The following BRD1 variants were observed in gnomAD, a reference collection of about 807,000 sequenced individuals.
BRD1 encodes bromodomain-containing protein 1.
A neutral mutation model predicts 107.7 loss-of-function variants in BRD1; 24 were observed. The observed-to-expected ratio is 0.22, with a 90% CI of 0.16 to 0.31. The LOEUF (loss-of-function observed/expected upper bound fraction) is 0.31, where lower values mean the gene tolerates loss of function less well. BRD1 is among the 10% of genes least tolerant of loss of function. The pLI, the probability that BRD1 is intolerant of heterozygous loss-of-function variation, is 1.00. For synonymous variants in BRD1, 744 were observed against 686.1 expected, an observed-to-expected ratio of 1.08 and a Z score of -1.32; for missense variants, 1,279 against 1,638.6, an observed-to-expected ratio of 0.78 and a Z score of 3.79.
intron 9 of BRD1, 47 bp downstream of exon 9, chr22:49,777,631 C>T (rs1041502217): frequency 3.8e-6 from 6 of 1,580,048 alleles, no homozygotes; most frequent in East Asian, 4.6e-5. Context: ...GCGGGGCGGG[C>T]GGTGCTGGGA....
At chr22:49,784,557 T>A (rs1260758602) in intron 8 of BRD1, among the ~76,000 whole-genome samples, 2 of 152,210 alleles carry the variant, frequency 1.3e-5, no homozygotes, top group Non-Finnish European at 2.9e-5. Context: ...AGTGAGTGCG[T>A]CGCCTCAGGA....
rs201223845 is a variant in BRD1, at chr22:49,798,580, G to A, written c.1763C>T (p.Ala588Val). ...LQDKDPARIF[A>V]QPVSLKEVPD... ...CACCTCCTTCAGACTCACGGGCTGC[G>A]CAAATATCCTGGCGGGGTCCTTGTC... Residue 588 changes from alanine to valine, a missense_variant, in exon 5 of 13, where the codon GCG becomes GTG. Ala to Val is a moderately conservative substitution (Grantham distance 64). Transcript: ENST00000404760. 71 of 1,614,184 alleles carry A rather than the reference G, an allele frequency of 4.4e-5. No homozygotes were observed. The East Asian group carries it at 1.0e-3, about 24-fold the overall frequency.
In BRD1 at chr22:49,774,295, C is replaced by T; in HGVS notation, c.3508G>A (p.Ala1170Thr). 1.2e-6 allele frequency: 2 copies of T among 1,614,192 alleles called. No individual in the cohort carries two copies. Among genetic ancestry groups the T allele is most frequent in the Admixed American group, 1.7e-5 (1 of 60,016 alleles). Residue 1170 changes from alanine (A) to threonine (T), a missense_variant, in exon 13 of 13, where the codon GCC (alanine) becomes ACC (threonine). Physicochemically the swap from Ala to Thr is moderately conservative, Grantham distance 58 (BLOSUM62 0). Around this residue, in one of 7 missense-constraint regions of BRD1, gnomAD observed 136 missense variants for 196.8 expected, o/e 0.69. Transcript: ENST00000404760. Reference sequence around the variant, plus strand: ...TGGACGCGGCTCAGGTGGTTCATGGCGCGGTCAAAAGCGATCCGCACGGCC... The same window carrying T: ...TGGACGCGGCTCAGGTGGTTCATGGTGCGGTCAAAAGCGATCCGCACGGCC... Reference protein sequence around the residue: ...RKAVRIAFDRAMNHLSRVHGE... With the variant: ...RKAVRIAFDRTMNHLSRVHGE...
intron 2 of BRD1, among the ~76,000 whole-genome samples, chr22:49,821,283 T>G (rs1358418559): frequency 6.6e-6 from 1 of 152,222 alleles, no homozygotes; most frequent in Non-Finnish European, 1.5e-5. Context: ...TTCATTTTGT[T>G]AGATCACATT....
At chr22:49,791,204 G>C (rs2059426894) in intron 7 of BRD1, among the ~76,000 whole-genome samples, 1 of 152,270 alleles carries the variant, frequency 6.6e-6, no homozygotes, top group Admixed American at 6.5e-5. Flanking sequence ...GGCAGGGCCA[G>C]CTCACAGCAA....
At position 49,799,099 on chromosome 22, in the gene BRD1, C is replaced by T. The variant is rs746256847; in HGVS notation, c.1545G>A (p.Met515Ile). 1.2e-6 allele frequency: 2 copies of T among 1,608,536 alleles called. No individual in the cohort carries two copies. The highest frequency in any genetic ancestry group is 1.7e-6 in the Non-Finnish European group (2 of 1,179,896). Residue 515 changes from methionine to isoleucine, a missense_variant, in exon 4 of 13, where the codon ATG (methionine) becomes ATA (isoleucine). By Grantham distance (10) the Met-to-Ile change is conservative (BLOSUM62 1). This residue lies in a region of BRD1 where 406 missense variants were observed against 519.4 expected (regional missense o/e 0.78). Transcript: ENST00000404760. The stretch of plus-strand genomic sequence containing the variant: ...ACTTCAGCTTCTCTTTGGCAGCCTT[C>T]ATCTCCTCATCATTTTCTCTCTGAG... Reference protein sequence around the residue: ...SSQQRENDEEMKAAKEKLKYW... With the variant: ...SSQQRENDEEIKAAKEKLKYW...
chr22:49,793,866 C>T (rs1416847583), intron 7 of BRD1, among the ~76,000 whole-genome samples, 168 bp downstream of exon 7: 3 of 152,224 alleles, frequency 2.0e-5, no homozygotes, highest in Admixed American at 6.5e-5. Context: ...AACAACAGCC[C>T]AGTGGGAAAA....
chr22:49,823,617 C>A lies in BRD1; in HGVS notation c.701G>T (p.Cys234Phe). The part of the protein sequence containing the change: ...ECQNSNVILF[C>F]DMCNLAVHQE... ...GTGCACGGCCAGGTTGCACATGTCG[C>A]AGAAGAGGATCACGTTGCTGTTCTG... The change falls in exon 2 of 13, where the codon TGC becomes TTC. Residue 234 changes from cysteine (C) to phenylalanine (F), a missense_variant. Physicochemically the swap from Cys to Phe is radical, Grantham distance 205 (BLOSUM62 -2). Transcript: ENST00000404760. 6.2e-7 allele frequency: 1 copy of A among 1,610,900 alleles called. No individual in the cohort carries two copies.
intron 2 of BRD1, among the ~76,000 whole-genome samples, chr22:49,821,752 T>G (rs553347121): frequency 2.0e-5 from 3 of 152,168 alleles, no homozygotes; most frequent in African/African-American, 7.2e-5. Flanking sequence ...TCCCCTCACA[T>G]GTGGGGCAGG....
intron 7 of BRD1, among the ~76,000 whole-genome samples, chr22:49,791,908 T>C (rs2059442468): frequency 6.6e-6 from 1 of 152,160 alleles, no homozygotes; most frequent in Non-Finnish European, 1.5e-5. Context: ...CGAGGCCACC[T>C]GTGTCTCAGT....
Position 49,823,598 on chromosome 22 carries a change from G to A in BRD1, c.720C>T (p.Ala240=), listed in dbSNP as rs200936691. The change falls in exon 2 of 13, where the codon GCC becomes GCT. Residue 240 remains alanine, a synonymous_variant. Coordinates refer to ENST00000404760, the MANE Select transcript of BRD1 (RefSeq NM_001304808.3). The part of the protein sequence containing the change: ...VILFCDMCNL[A]VHQECYGVPY... ...GCACCCCGTAGCACTCCTGGTGCAC[G>A]GCCAGGTTGCACATGTCGCAGAAGA... 1.6e-5 allele frequency: 26 copies of A among 1,607,782 alleles called. No homozygotes were observed. The highest frequency in any genetic ancestry group is 1.6e-4 in the Middle Eastern group (1 of 6,066).
intron 11 of BRD1, 35 bp downstream of exon 11, chr22:49,776,015 T>C (rs1392782950): frequency 6.4e-7 from 1 of 1,572,834 alleles, no homozygotes. Context: ...GTGAGCCTCC[T>C]CTGGACCCGC....
rs573489270 is a variant in BRD1, at chr22:49,794,429, T to C, written c.2099-135A>G. 2.6e-6 allele frequency: 3 copies of C among 1,155,530 alleles called. No homozygotes were observed. The South Asian group carries it at 4.5e-5, about 17-fold the overall frequency. The allele number at this position is 1,155,530 out of a possible 1,614,324, so 71.6% of individuals were successfully genotyped here. On this transcript the variant is annotated intron_variant, in intron 6 of 12. Transcript: ENST00000404760. ...GTTAGCAACGAGGCCCAGGCCCTGC[T>C]CACCAGAGGCCCCTCCCCTGCACTC... is the stretch of plus-strand genomic sequence containing the variant.
chr22:49,818,285 G>C (rs1298577925), intron 2 of BRD1: 2 of 1,278,692 alleles, frequency 1.6e-6, no homozygotes, highest in Admixed American at 2.3e-5. Context: ...GCTCCTCCTA[G>C]AAGATCTGAA....
chr22:49,815,462 GA>G (rs1348664730), intron 2 of BRD1, among the ~76,000 whole-genome samples: 1 of 151,838 alleles, frequency 6.6e-6, no homozygotes, highest in Non-Finnish European at 1.5e-5. Context: ...AGAATCGCTT[GA>G]ACCCAGGGGG....
At position 49,803,208 on chromosome 22, in the gene BRD1, A is replaced by T. The variant is rs2059674273; in HGVS notation, c.1524+996T>A. On this transcript the variant is annotated intron_variant, in intron 3 of 12. Coordinates refer to ENST00000404760, the MANE Select transcript of BRD1 (RefSeq NM_001304808.3). This position sits in a 1 kb window ranked among gnomAD's most constrained non-coding sequence, Gnocchi z 4.4. The stretch of plus-strand genomic sequence containing the variant: ...AACAGGGCTCACGCTGCAGAGGCAG[A>T]GTCTGCGAGGCAGAGACAGCACCGG... Among the ~76,000 whole-genome samples the T allele has an allele frequency of 6.6e-6, 1 of 152,254 alleles. No homozygotes were observed. Among genetic ancestry groups the T allele is most frequent in the Admixed American group, 6.5e-5 (1 of 15,292 alleles).
In BRD1 at chr22:49,812,173, G is replaced by A. The variant is rs145298213; in HGVS notation, c.1368-7813C>T. Among the ~76,000 whole-genome samples, 1,164 of 144,716 alleles carry A rather than the reference G, an allele frequency of 8.0e-3. 21 individuals carry two copies. The highest frequency in any genetic ancestry group is 0.028 in the African/African-American group (1,091 of 38,720). 94.9% of individuals were successfully genotyped at this position (144,716 alleles called of 152,430 possible). On this transcript the variant is annotated intron_variant, in intron 2 of 12. Transcript: ENST00000404760. Reference sequence around the variant, plus strand: ...GGCTGGAGTGCAATGGCGCGATCTCGGCTCACTGCAAGCTCCACCTCCTGG... The same window carrying A: ...GGCTGGAGTGCAATGGCGCGATCTCAGCTCACTGCAAGCTCCACCTCCTGG...
At chr22:49,821,798 G>A (rs753093867) in intron 2 of BRD1, among the ~76,000 whole-genome samples, 4 of 152,130 alleles carry the variant, frequency 2.6e-5, no homozygotes, top group Admixed American at 6.5e-5. Context: ...ACTGACCCCC[G>A]GCAGTCCTGG....
At chr22:49,821,078 G>C (rs922498248) in intron 2 of BRD1, 1 of 152,382 alleles carries the variant, frequency 6.6e-6, no homozygotes, top group Non-Finnish European at 1.5e-5. Context: ...TATTTAGGTC[G>C]AGTTTTCTTC....
Sources: allele counts gnomAD v4.1 joint callset (sites outside exome capture counted in the v4.1 genomes callset), GRCh38; gene constraint gnomAD v4.1.1; regional missense constraint gnomAD v4.1.1; non-coding constraint Gnocchi (gnomAD v3.1); transcripts MANE v1.5; gene names NCBI Gene and HGNC (gene_info 2026-07-23, HGNC 2026-07-21).